Variants in RPA3 observed in about 807,000 individuals in gnomAD.
RPA3 encodes replication protein A3, also known as replication protein A 14 kDa subunit.
In RPA3, 24 loss-of-function variants were observed where a neutral mutation model predicts 13.7. That is an observed-to-expected ratio of 1.75 (90% CI 1.27 to 2.46). RPA3 has a LOEUF of 2.46. RPA3 is among the 30% of genes most tolerant of loss of function. The pLI is 0.00. For synonymous variants in RPA3, 59 were observed against 51.2 expected (o/e 1.15, Z -0.65); for missense variants, 183 against 151.0 (o/e 1.21, Z -1.11).
At chr7:7,656,301 T>C (rs776560999) in intron 4 of RPA3, among the ~76,000 whole-genome samples, 2 of 152,174 alleles carry the variant, frequency 1.3e-5, no homozygotes, top group Non-Finnish European at 2.9e-5. Flanking sequence ...AACTTGTTCA[T>C]GTATTTAAAA....
rs1288416642 is a variant in RPA3 at position 7,640,442 on chromosome 7, G to A, written c.-24C>T. The A allele has an allele frequency of 1.2e-6, 2 of 1,609,940 alleles. No homozygotes were observed. The highest frequency in any genetic ancestry group is 1.3e-5 in the African/African-American group (1 of 74,690). On this transcript the variant is annotated 5_prime_UTR_variant, in exon 5 of 8. Coordinates refer to ENST00000223129, the MANE Select transcript of RPA3 (RefSeq NM_002947.5). ...ATGATTATGGTCCAAGACTGCGGCTGGCGGGAAACCCACGGACGACTGAAA... is the reference window on the plus strand; with the variant it reads ...ATGATTATGGTCCAAGACTGCGGCTAGCGGGAAACCCACGGACGACTGAAA...
At chr7:7,660,861 G>A (rs1419299737) in intron 4 of RPA3, among the ~76,000 whole-genome samples, 1 of 152,172 alleles carries the variant, frequency 6.6e-6, no homozygotes, top group Non-Finnish European at 1.5e-5. Flanking sequence ...TTGCTAGGTT[G>A]GAGAAGTTCT....
At chr7:7,656,776 C>T (rs185164190) in intron 4 of RPA3, among the ~76,000 whole-genome samples, 6 of 152,118 alleles carry the variant, frequency 3.9e-5, no homozygotes, top group Non-Finnish European at 5.9e-5. Flanking sequence ...AATAAACATA[C>T]GTGCGCATGT....
Position 7,640,758 on chromosome 7 carries a change from A to C in RPA3, c.-340T>G. The C allele has an allele frequency of 4.1e-6, 1 of 241,200 alleles. No individual in the cohort carries two copies. Among genetic ancestry groups the C allele is most frequent in the Non-Finnish European group, 8.2e-6 (1 of 121,584 alleles). 14.9% of individuals were successfully genotyped at this position (241,200 alleles called of 1,614,324 possible). A position where few individuals can be genotyped will look rare whatever the true frequency, so the allele number is the denominator to read the frequency against. On this transcript the variant is annotated 5_prime_UTR_variant, in exon 5 of 8. Transcript: ENST00000223129. ...TCACAGGATTCCCGGCGGTGACTTG[A>C]CCCCGGAAGTGGGGTGTGAAGCTCC...
chr7:7,661,476 CCTT>C (rs1214873244), intron 4 of RPA3, among the ~76,000 whole-genome samples: 1 of 152,084 alleles, frequency 6.6e-6, no homozygotes, highest in Non-Finnish European at 1.5e-5. Context: ...ATGCTGGTGA[CCTT>C]TCAGTGGGGT....
chr7:7,649,270 G>A (rs1483711399), intron 4 of RPA3, among the ~76,000 whole-genome samples: 1 of 152,128 alleles, frequency 6.6e-6, no homozygotes, highest in African/African-American at 2.4e-5. Flanking sequence ...ATCTGGCAGG[G>A]GCTTGTTATG....
intron 4 of RPA3, among the ~76,000 whole-genome samples, chr7:7,650,403 G>T (rs543501002): frequency 6.6e-6 from 1 of 152,224 alleles, no homozygotes; most frequent in East Asian, 1.9e-4. Flanking sequence ...ATTCTAAGTG[G>T]ATGGTTAATT....
intron 2 of RPA3, among the ~76,000 whole-genome samples, chr7:7,694,163 G>A (rs1019671539): frequency 3.3e-5 from 5 of 152,056 alleles, no homozygotes; most frequent in African/African-American, 1.2e-4. Context: ...AAGGAATGAA[G>A]CATGTTTTCT....
At chr7:7,648,656 G>A (rs1434120809) in intron 4 of RPA3, among the ~76,000 whole-genome samples, 1 of 151,524 alleles carries the variant, frequency 6.6e-6, no homozygotes, top group African/African-American at 2.4e-5. Context: ...TTCGAGACAA[G>A]CCTGGGCAAC....
chr7:7,644,723 C>T (rs1785057402), intron 4 of RPA3, among the ~76,000 whole-genome samples: 1 of 152,170 alleles, frequency 6.6e-6, no homozygotes, highest in Non-Finnish European at 1.5e-5. Context: ...CCCTGAACCA[C>T]TACCTATTTT....
intron 4 of RPA3, among the ~76,000 whole-genome samples, chr7:7,654,794 C>A (rs1785302928): frequency 6.6e-6 from 1 of 151,598 alleles, no homozygotes; most frequent in African/African-American, 2.4e-5. Context: ...ATCCCAGCTA[C>A]TCTGGAGGCT....
At chr7:7,665,318 G>T (rs1051823390) in intron 4 of RPA3, among the ~76,000 whole-genome samples, 1 of 152,098 alleles carries the variant, frequency 6.6e-6, no homozygotes, top group Non-Finnish European at 1.5e-5. Context: ...CCTTTTATAC[G>T]CAGTCTGTGT....
At chr7:7,664,271 T>C (rs1779378290) in intron 4 of RPA3, among the ~76,000 whole-genome samples, 1 of 152,214 alleles carries the variant, frequency 6.6e-6, no homozygotes, top group Non-Finnish European at 1.5e-5. Context: ...TCTTTTCTCA[T>C]TCAAACTTCA....
intron 1 of RPA3, among the ~76,000 whole-genome samples, chr7:7,717,490 A>G (rs1000745530): frequency 6.6e-6 from 1 of 152,208 alleles, no homozygotes; most frequent in Non-Finnish European, 1.5e-5. Context: ...AGAAGTATTT[A>G]CTTTATTAAA....
At chr7:7,668,819 G>A (rs1779534160) in intron 4 of RPA3, among the ~76,000 whole-genome samples, 1 of 152,196 alleles carries the variant, frequency 6.6e-6, no homozygotes, top group South Asian at 2.1e-4. Context: ...AAGTGCTACA[G>A]CTGGCCAGAG....
chr7:7,703,998 G>T (rs1049862295), intron 2 of RPA3, among the ~76,000 whole-genome samples: 7 of 152,018 alleles, frequency 4.6e-5, no homozygotes, highest in African/African-American at 1.7e-4. Flanking sequence ...GGAAAGAAAA[G>T]AAAAGAAACA....
chr7:7,669,244 G>A (rs190669739), intron 4 of RPA3, among the ~76,000 whole-genome samples: 254 of 152,266 alleles, frequency 1.7e-3, no homozygotes, highest in Non-Finnish European at 3.0e-3. Flanking sequence ...AGGAGGAAAC[G>A]ATTGTATACG....
At chr7:7,664,894 C>T (rs1171791615) in intron 4 of RPA3, among the ~76,000 whole-genome samples, 1 of 152,130 alleles carries the variant, frequency 6.6e-6, no homozygotes, top group African/African-American at 2.4e-5. Flanking sequence ...ATGCATTTCA[C>T]TGTACAAAAG....
chr7:7,650,287 C>T (rs1189013705), intron 4 of RPA3, among the ~76,000 whole-genome samples: 1 of 152,056 alleles, frequency 6.6e-6, no homozygotes, highest in Admixed American at 6.5e-5. Context: ...TTATCATTTT[C>T]TTTACTTAAT....
Sources: allele counts gnomAD v4.1 joint callset (sites outside exome capture counted in the v4.1 genomes callset), GRCh38; gene constraint gnomAD v4.1.1; transcripts MANE v1.5; gene names NCBI Gene and HGNC (gene_info 2026-07-23, HGNC 2026-07-21).